The following CYP7B1 variants were observed in gnomAD, a reference collection of about 807,000 sequenced individuals.
The protein encoded by CYP7B1 is cytochrome P450 7B1.
A neutral mutation model predicts 42.7 loss-of-function variants in CYP7B1; 29 were observed. The ratio of observed to expected loss-of-function variants is 0.68; its 90% CI spans 0.51 to 0.93. CYP7B1 has a LOEUF of 0.93. CYP7B1 is among the 40% of genes least tolerant of loss of function. The pLI, the probability that CYP7B1 is intolerant of heterozygous loss-of-function variation, is 0.00. For synonymous variants in CYP7B1, 235 were observed against 218.2 expected (o/e 1.08, Z -0.68); for missense variants, 655 against 600.5 (o/e 1.09, Z -0.95).
At chr8:64,652,834 A>G (rs528231740) in intron 1 of CYP7B1, among the ~76,000 whole-genome samples, 13 of 152,290 alleles carry the variant, frequency 8.5e-5, no homozygotes, top group African/African-American at 3.1e-4. Context: ...ACAGAGAGAT[A>G]CTCTGTCTCA....
At chr8:64,642,248 C>T (rs1805868149) in intron 1 of CYP7B1, among the ~76,000 whole-genome samples, 1 of 151,354 alleles carries the variant, frequency 6.6e-6, no homozygotes. Flanking sequence ...ACTCTATTTC[C>T]TCTTCTATTT....
intron 1 of CYP7B1, among the ~76,000 whole-genome samples, chr8:64,675,698 A>G (rs1806435852): frequency 6.6e-6 from 1 of 152,136 alleles, no homozygotes; most frequent in African/African-American, 2.4e-5. Context: ...CACTGAAACA[A>G]ACGTGGTTGA....
chr8:64,685,258 C>T (rs1248298356), intron 1 of CYP7B1, among the ~76,000 whole-genome samples: 14 of 148,326 alleles, frequency 9.4e-5, no homozygotes, highest in African/African-American at 3.2e-4. Context: ...CCCAAAGTGC[C>T]GAGATTGCAG....
chr8:64,634,094 A>G (rs1420585032), intron 1 of CYP7B1, among the ~76,000 whole-genome samples: 1 of 152,220 alleles, frequency 6.6e-6, no homozygotes, highest in Non-Finnish European at 1.5e-5. Flanking sequence ...TGATTTGCAC[A>G]TGACATAAAC....
chr8:64,691,351 C>G (rs1416704116), intron 1 of CYP7B1, among the ~76,000 whole-genome samples: 2 of 152,126 alleles, frequency 1.3e-5, no homozygotes, highest in African/African-American at 4.8e-5. Context: ...TACCTACCTT[C>G]TCCTCTCTTA....
intron 1 of CYP7B1, among the ~76,000 whole-genome samples, chr8:64,633,663 A>G (rs1805729527): frequency 6.6e-6 from 1 of 152,202 alleles, no homozygotes; most frequent in South Asian, 2.1e-4. Context: ...GCACATGGAT[A>G]GGAAGAGTCA....
At chr8:64,746,217 T>G (rs745480932) in intron 1 of CYP7B1, among the ~76,000 whole-genome samples, 2 of 152,170 alleles carry the variant, frequency 1.3e-5, no homozygotes, top group Non-Finnish European at 2.9e-5. Flanking sequence ...GGGTAGTAAT[T>G]CTGCAATACT....
Position 64,591,812 on chromosome 8 carries a change from A to G in CYP7B1, c.*4830T>C, listed in dbSNP as rs1169207504. Among the ~76,000 whole-genome samples the G allele has an allele frequency of 6.6e-6, 1 of 152,144 alleles. No homozygotes were observed. ...TTTAGTTTCTGCTGAGTGTTTCATT[A>G]CGTTGGTCATTGATATAAAACAATA... On this transcript the variant is annotated 3_prime_UTR_variant, in exon 6 of 6. Transcript: ENST00000310193.
intron 1 of CYP7B1, among the ~76,000 whole-genome samples, chr8:64,675,761 C>T (rs1806436937): frequency 6.6e-6 from 1 of 152,066 alleles, no homozygotes; most frequent in South Asian, 2.1e-4. Flanking sequence ...TTAGAGGATG[C>T]ACTTGAAATA....
intron 1 of CYP7B1, among the ~76,000 whole-genome samples, chr8:64,634,808 A>G (rs904818695): frequency 1.3e-5 from 2 of 152,178 alleles, no homozygotes; most frequent in African/African-American, 2.4e-5. Context: ...CTGTACTCCA[A>G]AAATGAAGAG....
At chr8:64,698,333 G>GT (rs1359370735) in intron 1 of CYP7B1, among the ~76,000 whole-genome samples, 20 of 145,648 alleles carry the variant, frequency 1.4e-4, no homozygotes, top group Admixed American at 1.2e-3. Flanking sequence ...TCCAGCAGCA[G>GT]GGGGGGGAAA....
chr8:64,609,461 A>T (rs888796108), intron 4 of CYP7B1, among the ~76,000 whole-genome samples: 1 of 152,214 alleles, frequency 6.6e-6, no homozygotes, highest in Admixed American at 6.5e-5. Flanking sequence ...AGGCCAAAAA[A>T]GTCTAATCAT....
intron 1 of CYP7B1, among the ~76,000 whole-genome samples, chr8:64,764,807 A>C (rs1807946195): frequency 6.6e-6 from 1 of 152,214 alleles, no homozygotes; most frequent in African/African-American, 2.4e-5. Context: ...TAACTAAAAA[A>C]TCTAAAAGGA....
rs1805073745 is a variant in CYP7B1, at chr8:64,593,701, A to C, written c.*2941T>G. Among the ~76,000 whole-genome samples the C allele has an allele frequency of 6.6e-6, 1 of 152,230 alleles. No homozygotes were observed. The highest frequency in any genetic ancestry group is 2.4e-5 in the African/African-American group (1 of 41,470). The stretch of plus-strand genomic sequence containing the variant: ...GGAACATGGGCTCAGTAAACAAGCC[A>C]TTCCTGGTAACAGTGACAGCAAAAC... On this transcript the variant is annotated 3_prime_UTR_variant, in exon 6 of 6. Transcript: ENST00000310193.
chr8:64,629,917 T>G (rs767295968), intron 1 of CYP7B1, among the ~76,000 whole-genome samples: 4 of 152,114 alleles, frequency 2.6e-5, no homozygotes, highest in Admixed American at 6.6e-5. Flanking sequence ...TGGCTGAGTC[T>G]AGGGAGACCA....
At chr8:64,643,621 T>C (rs937540293) in intron 1 of CYP7B1, among the ~76,000 whole-genome samples, 3 of 152,166 alleles carry the variant, frequency 2.0e-5, no homozygotes, top group African/African-American at 7.2e-5. Context: ...TCATGAAAGA[T>C]TTCTCTGTAG....
chr8:64,710,916 T>C (rs962079910), intron 1 of CYP7B1, among the ~76,000 whole-genome samples: 8 of 152,102 alleles, frequency 5.3e-5, no homozygotes, highest in African/African-American at 1.7e-4. Context: ...AGGAGATACC[T>C]ACTTTGTAGT....
At chr8:64,733,008 A>G (rs1807436527) in intron 1 of CYP7B1, 1 of 152,180 alleles carries the variant, frequency 6.6e-6, no homozygotes, top group Non-Finnish European at 1.5e-5. Context: ...TGGTTCTCCC[A>G]CCCTTTCATA....
At chr8:64,729,747 C>T (rs953864053) in intron 1 of CYP7B1, among the ~76,000 whole-genome samples, 2 of 152,122 alleles carry the variant, frequency 1.3e-5, no homozygotes, top group Non-Finnish European at 2.9e-5. Flanking sequence ...ACATTCCTTT[C>T]TAAATTTGGA....
Sources: allele counts gnomAD v4.1 joint callset (sites outside exome capture counted in the v4.1 genomes callset), GRCh38; gene constraint gnomAD v4.1.1; transcripts MANE v1.5; gene names NCBI Gene and HGNC (gene_info 2026-07-23, HGNC 2026-07-21).